AFF3: variants seen among roughly 807,000 people sequenced by gnomAD.
AFF3 encodes the protein AF4/FMR2 family member 3.
Under a neutral mutation model 129.7 loss-of-function variants are expected in AFF3, and 32 were observed. The observed-to-expected ratio is 0.25, with a 90% CI of 0.19 to 0.33. The LOEUF is 0.33. AFF3 is among the 10% of genes least tolerant of loss of function. The pLI, the probability that AFF3 is intolerant of heterozygous loss-of-function variation, is 1.00. For synonymous variants in AFF3, 644 were observed against 635.4 expected (o/e 1.01, Z -0.20); for missense variants, 1,373 against 1,592.0 (o/e 0.86, Z 2.34).
chr2:100,137,751 A>C (rs560446090), intron 1 of AFF3, among the ~76,000 whole-genome samples: 35 of 152,290 alleles, frequency 2.3e-4, no homozygotes, highest in African/African-American at 8.2e-4. Flanking sequence ...CGTTCTCCAT[A>C]GGTGAAAGGA....
At chr2:100,004,160 T>G (rs1435666426) in intron 7 of AFF3, among the ~76,000 whole-genome samples, 1 of 152,276 alleles carries the variant, frequency 6.6e-6, no homozygotes, top group South Asian at 2.1e-4. Flanking sequence ...TCTTGCTCTG[T>G]AGCTAACATC....
chr2:99,794,801 G>A (rs1685445847), intron 8 of AFF3, among the ~76,000 whole-genome samples: 1 of 152,140 alleles, frequency 6.6e-6, no homozygotes, highest in Non-Finnish European at 1.5e-5. Context: ...GATGACTACA[G>A]TAGTCACCTA....
rs190880973 is a variant in AFF3 at position 99,914,868 on chromosome 2, A to G, written c.874-77344T>C. 4.4e-3 allele frequency among the ~76,000 whole-genome samples: 671 copies of G among 152,194 alleles called. 20 individuals are homozygous for G. Among genetic ancestry groups the G allele is most frequent in the Admixed American group, 0.039 (598 of 15,272 alleles). On this transcript the variant is annotated intron_variant, in intron 7 of 24. Transcript: ENST00000672756. ...CCAGGAGCTGAGATTGCACCACTGC[A>G]CTCCAGCCTGGGTGACAGGGCGAGA...
chr2:99,655,829 A>G (rs1685698395), intron 12 of AFF3, among the ~76,000 whole-genome samples: 1 of 152,198 alleles, frequency 6.6e-6, no homozygotes, highest in Non-Finnish European at 1.5e-5. Context: ...GTAGGAAGCG[A>G]CAAAGTTTGA....
intron 4 of AFF3, among the ~76,000 whole-genome samples, chr2:100,040,247 T>G (rs1028068575): frequency 5.9e-5 from 9 of 152,166 alleles, no homozygotes; most frequent in African/African-American, 2.2e-4. Context: ...ATCTCCTTCA[T>G]GAAAGAAAAT....
intron 17 of AFF3, among the ~76,000 whole-genome samples, chr2:99,582,524 G>A (rs993147611): frequency 2.6e-5 from 4 of 152,194 alleles, no homozygotes; most frequent in Non-Finnish European, 5.9e-5. Context: ...TCCCGGGATG[G>A]TATTACTTTG....
At chr2:100,037,731 ATTAAT>A (rs1374090051) in intron 4 of AFF3, among the ~76,000 whole-genome samples, 1 of 129,568 alleles carries the variant, frequency 7.7e-6, no homozygotes, top group Non-Finnish European at 1.6e-5. Context: ...ATATATTTAT[ATTAAT>A]TTGTGTATAA....
At chr2:99,827,031 C>T (rs1688143317) in intron 8 of AFF3, among the ~76,000 whole-genome samples, 1 of 152,120 alleles carries the variant, frequency 6.6e-6, no homozygotes, top group Non-Finnish European at 1.5e-5. Context: ...AACCCAACAG[C>T]ATGGACAGCC....
intron 7 of AFF3, among the ~76,000 whole-genome samples, chr2:100,002,020 G>A (rs571770564): frequency 2.6e-5 from 4 of 152,334 alleles, no homozygotes; most frequent in African/African-American, 7.2e-5. Context: ...CCTGAGGGAC[G>A]TGGCCTCCGA....
rs1007099205 is a variant in AFF3, at chr2:99,948,906, C to T, written c.873+57726G>A. Among the ~76,000 whole-genome samples, 7 of 152,306 alleles carry T rather than the reference C, an allele frequency of 4.6e-5. No homozygotes were observed. The East Asian group carries it at 1.4e-3, about 29-fold the overall frequency. On this transcript the variant is annotated intron_variant, in intron 7 of 24. Transcript: ENST00000672756. The stretch of plus-strand genomic sequence containing the variant: ...TGCGTGAAAACCTCCAAAGTATCCT[C>T]AATTTACCTCCTCCAAAGTAAATTT...
rs185118256 is a variant in AFF3 at position 99,770,260 on chromosome 2, C to A, written c.922-17959G>T. On this transcript the variant is annotated intron_variant, in intron 8 of 24. Coordinates refer to ENST00000672756, the MANE Select transcript of AFF3 (RefSeq NM_001386135.1). ...GCAGAAGAGCCTCATCCCAAGGCCA[C>A]GACCACGACAGGCCCACAGGGATTA... Among the ~76,000 whole-genome samples, 4 of 152,330 alleles carry A rather than the reference C, an allele frequency of 2.6e-5. No homozygotes were observed. In the East Asian group the frequency reaches 7.7e-4, roughly 29 times the overall value.
At chr2:99,796,873 C>A (rs1409391239) in intron 8 of AFF3, among the ~76,000 whole-genome samples, 1 of 152,150 alleles carries the variant, frequency 6.6e-6, no homozygotes, top group Admixed American at 6.5e-5. Flanking sequence ...TTGGATAGAG[C>A]ACTCAAAAGA....
chr2:100,066,504 T>C (rs1329175700), intron 4 of AFF3, among the ~76,000 whole-genome samples: 2 of 152,202 alleles, frequency 1.3e-5, no homozygotes, highest in Admixed American at 6.5e-5. Context: ...AAATGTGTTT[T>C]ATTAACTCCT....
chr2:99,570,127 AG>A (rs910327451), intron 18 of AFF3, among the ~76,000 whole-genome samples: 3 of 152,112 alleles, frequency 2.0e-5, no homozygotes, highest in African/African-American at 7.2e-5. Flanking sequence ...TCTTTCACTG[AG>A]GGTGAGGCCT....
At chr2:99,676,842 T>C (rs1271761523) in intron 11 of AFF3, among the ~76,000 whole-genome samples, 1 of 152,172 alleles carries the variant, frequency 6.6e-6, no homozygotes, top group Non-Finnish European at 1.5e-5. Context: ...TAAACACGCC[T>C]ATCAGCCCCA....
intron 15 of AFF3, among the ~76,000 whole-genome samples, chr2:99,592,072 G>A (rs1575447156): frequency 6.6e-6 from 1 of 152,272 alleles, no homozygotes; most frequent in East Asian, 1.9e-4. Context: ...ATTTTTCACA[G>A]TGATAAAAAT....
At chr2:100,020,098 A>ATTCCTGGT (rs1176643267) in intron 4 of AFF3, among the ~76,000 whole-genome samples, 2 of 152,016 alleles carry the variant, frequency 1.3e-5, no homozygotes, top group East Asian at 3.9e-4. Context: ...TCTCTCTCCA[A>ATTCCTGGT]TTCCTGGTTT....
At chr2:99,967,378 A>G (rs1282021531) in intron 7 of AFF3, among the ~76,000 whole-genome samples, 5 of 151,834 alleles carry the variant, frequency 3.3e-5, no homozygotes, top group African/African-American at 4.8e-5. Flanking sequence ...TAGGCTTCCA[A>G]TGCCTGCCTG....
Position 99,589,397 on chromosome 2 carries a change from A to ATTTTT in AFF3, c.2467-2124_2467-2120dup, listed in dbSNP as rs55888825. ...ACAACACCCCTGCAAAGATGTCAACATTTTTTTTTTTTTTTTTTTTTTTGA... is the reference window on the plus strand; with the variant it reads ...ACAACACCCCTGCAAAGATGTCAACATTTTTTTTTTTTTTTTTTTTTTTTTTTTGA... On this transcript the variant is annotated intron_variant, in intron 15 of 24. Transcript: ENST00000672756. Among the ~76,000 whole-genome samples the ATTTTT allele has an allele frequency of 2.6e-3, 266 of 103,352 alleles. 2 individuals are homozygous for ATTTTT. Among genetic ancestry groups the ATTTTT allele is most frequent in the Non-Finnish European group, 3.6e-3 (195 of 53,806 alleles). 67.8% of individuals were successfully genotyped at this position (103,352 alleles called of 152,430 possible). A position where few individuals can be genotyped will look rare whatever the true frequency, so the allele number is the denominator to read the frequency against.
Sources: gnomAD v4.1 joint callset for allele counts (sites outside exome capture counted in the v4.1 genomes callset) on GRCh38, gnomAD v4.1.1 for gene constraint, MANE v1.5 for transcripts, NCBI Gene and HGNC (gene_info 2026-07-23, HGNC 2026-07-21) for gene names.